The following MCTP1 variants were observed in gnomAD, a reference collection of about 807,000 sequenced individuals.
MCTP1 encodes the protein multiple C2 and transmembrane domain containing 1.
In MCTP1, 69 loss-of-function variants were observed where a neutral mutation model predicts 120.6. That is an observed-to-expected ratio of 0.57 (90% CI 0.47 to 0.70). MCTP1 has a LOEUF of 0.70. MCTP1 is among the 30% of genes least tolerant of loss of function. The probability of loss-of-function intolerance (pLI) is 0.00; values close to 1 mark genes in which losing one functional copy is unlikely to be tolerated. For synonymous variants in MCTP1, 529 were observed against 493.1 expected, an observed-to-expected ratio of 1.07 and a Z score of -0.96; for missense variants, 1,203 against 1,248.8, an observed-to-expected ratio of 0.96 and a Z score of 0.55.
chr5:94,997,942 A>G (rs1317570345), intron 2 of MCTP1, among the ~76,000 whole-genome samples: 4 of 152,156 alleles, frequency 2.6e-5, no homozygotes, highest in African/African-American at 9.7e-5. Context: ...ACATACTGAG[A>G]TAACTTAAAA....
intron 2 of MCTP1, among the ~76,000 whole-genome samples, chr5:95,000,381 G>A (rs1561994961): frequency 1.3e-5 from 2 of 152,102 alleles, no homozygotes; most frequent in Non-Finnish European, 2.9e-5. Context: ...GTCTCAGGCA[G>A]GTCCTTCAGG....
intron 1 of MCTP1, among the ~76,000 whole-genome samples, chr5:95,075,999 T>G (rs1753452121): frequency 6.6e-6 from 1 of 152,200 alleles, no homozygotes; most frequent in Non-Finnish European, 1.5e-5. Context: ...GTAGTCCCCT[T>G]GTCCTCAGGA....
At chr5:94,978,026 A>T (rs1481530093) in intron 2 of MCTP1, among the ~76,000 whole-genome samples, 2 of 152,154 alleles carry the variant, frequency 1.3e-5, no homozygotes, top group African/African-American at 4.8e-5. Context: ...CACAATAGCA[A>T]AAAAACCTAA....
At chr5:94,943,609 A>G (rs1818235877) in intron 3 of MCTP1, among the ~76,000 whole-genome samples, 2 of 152,128 alleles carry the variant, frequency 1.3e-5, no homozygotes, top group South Asian at 2.1e-4. Flanking sequence ...AAACAGTGGT[A>G]AGCAAAAATG....
chr5:94,805,784 G>C (rs2153045038), intron 17 of MCTP1, among the ~76,000 whole-genome samples: 1 of 149,784 alleles, frequency 6.7e-6, no homozygotes, highest in Admixed American at 6.7e-5. Flanking sequence ...TTAGGAGTTT[G>C]AGACTTGTCT....
intron 1 of MCTP1, among the ~76,000 whole-genome samples, chr5:95,149,280 C>A (rs916312243): frequency 6.6e-6 from 1 of 152,212 alleles, no homozygotes; most frequent in Non-Finnish European, 1.5e-5. Flanking sequence ...ATCAGCTCCT[C>A]CACCAACCAA....
intron 2 of MCTP1, among the ~76,000 whole-genome samples, chr5:95,003,482 A>T (rs1312133635): frequency 6.6e-6 from 1 of 152,192 alleles, no homozygotes; most frequent in Non-Finnish European, 1.5e-5. Context: ...CTATTAACAT[A>T]TTTCTCATAA....
At chr5:94,755,627 A>C (rs1055279921) in intron 19 of MCTP1, among the ~76,000 whole-genome samples, 7 of 152,164 alleles carry the variant, frequency 4.6e-5, no homozygotes, top group African/African-American at 1.7e-4. Context: ...ATTTCTTAAA[A>C]CATGTGGTTT....
At chr5:94,759,972 GTTT>G (rs369341021) in intron 19 of MCTP1, among the ~76,000 whole-genome samples, 12 of 115,420 alleles carry the variant, frequency 1.0e-4, no homozygotes, top group African/African-American at 3.0e-4. Flanking sequence ...ACTGTTGAGG[GTTT>G]TTTTTTTTTT....
intron 5 of MCTP1, among the ~76,000 whole-genome samples, chr5:94,937,183 A>G (rs1240392313): frequency 1.3e-5 from 2 of 152,118 alleles, no homozygotes; most frequent in African/African-American, 4.8e-5. Flanking sequence ...ATAGGAGGAG[A>G]GAAGACGCTA....
At chr5:94,847,678 G>GTATATA (rs1477204214) in intron 17 of MCTP1, among the ~76,000 whole-genome samples, 131 of 130,594 alleles carry the variant, frequency 1.0e-3, no homozygotes, top group African/African-American at 3.8e-3. Context: ...GTGTGTGTGT[G>GTATATA]TGTGTATATA....
chr5:94,707,339 A>G lies in MCTP1; in HGVS notation c.*157T>C. 1.7e-6 allele frequency: 1 copy of G among 602,866 alleles called. No homozygotes were observed. Among genetic ancestry groups the G allele is most frequent in the Admixed American group, 3.1e-5 (1 of 32,786 alleles). The allele number at this position is 602,866 out of a possible 1,614,324, so 37.3% of individuals were successfully genotyped here. A position where few individuals can be genotyped will look rare whatever the true frequency, so the allele number is the denominator to read the frequency against. Reference sequence around the variant, plus strand: ...TCTGTACAATAGAAGTATATATTCAAAGACATATGCCTTTGTACACTATTT... The same window carrying G: ...TCTGTACAATAGAAGTATATATTCAGAGACATATGCCTTTGTACACTATTT... On this transcript the variant is annotated 3_prime_UTR_variant, in exon 23 of 23. Transcript: ENST00000515393.
In MCTP1 at chr5:94,894,660, A is replaced by G. The variant is rs745808727; in HGVS notation, c.1828T>C (p.Leu610=). 1.2e-6 allele frequency: 2 copies of G among 1,604,278 alleles called. No individual in the cohort carries two copies. The highest frequency in any genetic ancestry group is 4.5e-5 in the East Asian group (2 of 44,624). ...LEDQKEREEI[L]KRYSPLRIFH... ...GGTTACATACGTACATATCTCTTTA[A>G]TATCTCCTCTCGTTCCTTCTGGTCC... is the stretch of plus-strand genomic sequence containing the variant. Residue 610 remains leucine (L), a synonymous_variant, in exon 11 of 23, where the codon TTA becomes CTA. Coordinates refer to ENST00000515393, the MANE Select transcript of MCTP1 (RefSeq NM_024717.7).
At chr5:95,147,473 G>A (rs1171992077) in intron 1 of MCTP1, among the ~76,000 whole-genome samples, 3 of 152,140 alleles carry the variant, frequency 2.0e-5, no homozygotes, top group African/African-American at 7.2e-5. Context: ...TGTCCTTCTT[G>A]ATAGTTGTTG....
At chr5:95,174,268 G>T (rs1414472085) in intron 1 of MCTP1, among the ~76,000 whole-genome samples, 3 of 151,984 alleles carry the variant, frequency 2.0e-5, no homozygotes, top group Non-Finnish European at 4.4e-5. Flanking sequence ...ATATAAAATG[G>T]CCCATCAACT....
intron 1 of MCTP1, among the ~76,000 whole-genome samples, chr5:95,133,483 G>C (rs1291006946): frequency 1.3e-5 from 2 of 152,070 alleles, no homozygotes; most frequent in East Asian, 3.9e-4. Context: ...GCAAAACCCC[G>C]TCTCTACTAA....
chr5:94,771,020 C>T (rs1402027580), intron 19 of MCTP1, among the ~76,000 whole-genome samples: 2 of 152,178 alleles, frequency 1.3e-5, no homozygotes. Context: ...CCCATTGCTG[C>T]CTCAAAACTA....
At chr5:94,844,137 T>C (rs1791743218) in intron 17 of MCTP1, among the ~76,000 whole-genome samples, 1 of 151,598 alleles carries the variant, frequency 6.6e-6, no homozygotes, top group Non-Finnish European at 1.5e-5. Context: ...ACCCTGTCTC[T>C]ACTAAAAATA....
chr5:95,281,590 G>T (rs1016045661), intron 1 of MCTP1, among the ~76,000 whole-genome samples: 7 of 152,128 alleles, frequency 4.6e-5, no homozygotes, highest in East Asian at 3.9e-4. Context: ...GTCCCTCAGG[G>T]TTTACCATTC....
Sources: gnomAD v4.1 joint callset for allele counts (sites outside exome capture counted in the v4.1 genomes callset) on GRCh38, gnomAD v4.1.1 for gene constraint, MANE v1.5 for transcripts, NCBI Gene and HGNC (gene_info 2026-07-23, HGNC 2026-07-21) for gene names.